DPP10: variants seen among roughly 807,000 people sequenced by gnomAD.
DPP10 encodes the protein dipeptidyl peptidase like 10.
In DPP10, 33 loss-of-function variants were observed where a neutral mutation model predicts 120.9. The observed-to-expected ratio is 0.27, with a 90% confidence interval of 0.21 to 0.37. The LOEUF is 0.37. Among genes scored for constraint, DPP10 ranks in the 10% least tolerant of loss-of-function variants. DPP10 has a pLI of 1.00. For missense variants in DPP10, 816 were observed against 942.8 expected, an observed-to-expected ratio of 0.87 and a Z score of 1.76; for synonymous variants, 337 against 326.1, an observed-to-expected ratio of 1.03 and a Z score of -0.36.
chr2:115,836,183 G>C lies in DPP10; in HGVS notation c.1977G>C (p.Met659Ile). 1 of 1,601,458 alleles carries C rather than the reference G, an allele frequency of 6.2e-7. No homozygotes were observed. Among genetic ancestry groups the C allele is most frequent in the Non-Finnish European group, 8.5e-7 (1 of 1,175,062 alleles). ...GTTATGGTGGCTATATTGCATCAATGATCTTAAAATCAGATGAAAAGCTTT... is the reference window on the plus strand; with the variant it reads ...GTTATGGTGGCTATATTGCATCAATCATCTTAAAATCAGATGAAAAGCTTT... ...GKGYGGYIAS[M>I]ILKSDEKLFK... Residue 659 changes from methionine (M) to isoleucine (I), a missense_variant, in exon 22 of 26, where the codon ATG becomes ATC. Met to Ile is a conservative substitution (Grantham distance 10). Coordinates refer to ENST00000410059, the MANE Select transcript of DPP10 (RefSeq NM_020868.6).
chr2:115,310,597 G>A (rs1476791417), intron 2 of DPP10, among the ~76,000 whole-genome samples: 1 of 151,980 alleles, frequency 6.6e-6, no homozygotes, highest in Non-Finnish European at 1.5e-5. Context: ...AAAATTCCCT[G>A]GTAAAAGTTG....
intron 1 of DPP10, among the ~76,000 whole-genome samples, chr2:114,655,296 T>C (rs1696888817): frequency 6.6e-6 from 1 of 152,126 alleles, no homozygotes; most frequent in Non-Finnish European, 1.5e-5. Flanking sequence ...TTGGAAATAA[T>C]AAGAAAGTTA....
At chr2:114,817,500 T>C (rs1208994391) in intron 1 of DPP10, among the ~76,000 whole-genome samples, 1 of 151,924 alleles carries the variant, frequency 6.6e-6, no homozygotes, top group Non-Finnish European at 1.5e-5. Context: ...ATTACCAGAG[T>C]CCAGTGAGAA....
chr2:114,791,798 G>A (rs1236965527), intron 1 of DPP10, among the ~76,000 whole-genome samples: 2 of 152,174 alleles, frequency 1.3e-5, no homozygotes, highest in Non-Finnish European at 2.9e-5. Context: ...AATATACATA[G>A]GAGGTGGGCA....
At chr2:115,405,967 GT>G (rs1195292833) in intron 3 of DPP10, among the ~76,000 whole-genome samples, 1 of 152,192 alleles carries the variant, frequency 6.6e-6, no homozygotes, top group African/African-American at 2.4e-5. Context: ...CTCTGGCTTT[GT>G]TCTCTTCACA....
Position 115,382,967 on chromosome 2 carries a change from A to G in DPP10, c.271+39055A>G, listed in dbSNP as rs533211020. 3.3e-5 allele frequency among the ~76,000 whole-genome samples: 5 copies of G among 152,294 alleles called. No individual in the cohort carries two copies. The South Asian group carries it at 6.2e-4, about 19-fold the overall frequency. ...AGCATTTTTGAAGCAGCATTTAGTA[A>G]TTTCTGCACAGGGGGTGCCATACTT... On this transcript the variant is annotated intron_variant, in intron 3 of 25. Transcript: ENST00000410059.
chr2:115,283,829 G>A (rs1343568723), intron 1 of DPP10, among the ~76,000 whole-genome samples: 1 of 151,924 alleles, frequency 6.6e-6, no homozygotes, highest in Non-Finnish European at 1.5e-5. Flanking sequence ...TTACATTTAG[G>A]TACAAAAGTA....
At position 115,391,479 on chromosome 2, in the gene DPP10, A is replaced by G. The variant is rs541254678; in HGVS notation, c.271+47567A>G. On this transcript the variant is annotated intron_variant, in intron 3 of 25. Transcript: ENST00000410059. ...TTTGAAGTAGTATGTGAAATGGCTC[A>G]CAGCACATGAGTTGGTGTCAGACGA... Among the ~76,000 whole-genome samples, 3 of 152,276 alleles carry G rather than the reference A, an allele frequency of 2.0e-5. No individual in the cohort carries two copies. The South Asian group carries it at 6.2e-4, about 32-fold the overall frequency.
At chr2:115,648,420 G>A (rs978624072) in intron 5 of DPP10, among the ~76,000 whole-genome samples, 5 of 151,936 alleles carry the variant, frequency 3.3e-5, no homozygotes, top group African/African-American at 1.2e-4. Flanking sequence ...CAGATTTTAA[G>A]TGTTCTCAAC....
chr2:114,857,024 G>GA (rs943717271), intron 1 of DPP10, among the ~76,000 whole-genome samples: 12 of 150,700 alleles, frequency 8.0e-5, no homozygotes, highest in Middle Eastern at 6.8e-3. Context: ...CTGAGAGTCA[G>GA]AAAAAAAAAG....
chr2:115,658,296 T>C (rs1264256606), intron 5 of DPP10, among the ~76,000 whole-genome samples: 1 of 152,082 alleles, frequency 6.6e-6, no homozygotes, highest in Admixed American at 6.6e-5. Flanking sequence ...AGTATCTTTT[T>C]ATTTATTTTG....
At chr2:115,532,729 G>C (rs993304043) in intron 5 of DPP10, among the ~76,000 whole-genome samples, 1 of 151,672 alleles carries the variant, frequency 6.6e-6, no homozygotes, top group Non-Finnish European at 1.5e-5. Flanking sequence ...CCAAAGTATG[G>C]CAAATCATGA....
chr2:115,751,069 G>A (rs10496502), intron 10 of DPP10, among the ~76,000 whole-genome samples: 12,355 of 152,012 alleles, frequency 0.081, 665 homozygotes, highest in Non-Finnish European at 0.12. Flanking sequence ...CAAAAAATAT[G>A]ACCTTCTTGA....
At chr2:114,565,577 G>C (rs775411097) in intron 1 of DPP10, among the ~76,000 whole-genome samples, 66 of 152,240 alleles carry the variant, frequency 4.3e-4, no homozygotes, top group Non-Finnish European at 8.1e-4. Context: ...ACTCAGCCAT[G>C]CTTCCCTTGG....
At chr2:115,263,169 A>C (rs534411767) in intron 1 of DPP10, among the ~76,000 whole-genome samples, 1 of 152,330 alleles carries the variant, frequency 6.6e-6, no homozygotes, top group South Asian at 2.1e-4. Context: ...TTCTGGGTCA[A>C]ATTAGGATCA....
intron 1 of DPP10, among the ~76,000 whole-genome samples, chr2:115,220,290 T>C (rs2057069688): frequency 6.6e-6 from 1 of 152,208 alleles, no homozygotes; most frequent in African/African-American, 2.4e-5. Flanking sequence ...TTGCCATGAC[T>C]GAAGTCTGTC....
chr2:115,134,592 C>T (rs2050549853), intron 1 of DPP10, among the ~76,000 whole-genome samples: 1 of 152,130 alleles, frequency 6.6e-6, no homozygotes, highest in African/African-American at 2.4e-5. Context: ...CACTCTGCTT[C>T]TCCCATGCTA....
intron 3 of DPP10, among the ~76,000 whole-genome samples, chr2:115,409,513 A>G (rs970627809): frequency 6.6e-6 from 1 of 152,338 alleles, no homozygotes; most frequent in Non-Finnish European, 1.5e-5. Context: ...AAAAAATAAT[A>G]GACATTGGCA....
At chr2:115,260,348 G>T (rs879650614) in intron 1 of DPP10, among the ~76,000 whole-genome samples, 18 of 151,990 alleles carry the variant, frequency 1.2e-4, no homozygotes, top group African/African-American at 3.6e-4. Context: ...TTCTTTCATG[G>T]CATGAAAGTT....
Sources: allele counts gnomAD v4.1 joint callset (sites outside exome capture counted in the v4.1 genomes callset), GRCh38; gene constraint gnomAD v4.1.1; transcripts MANE v1.5; gene names NCBI Gene and HGNC (gene_info 2026-07-23, HGNC 2026-07-21).